The following MOB3B variants were observed in gnomAD, a reference collection of about 807,000 sequenced individuals.
MOB3B encodes the protein MOB kinase activator 3B, also known as MOB kinase activator-like 2B.
In MOB3B, 7 loss-of-function variants were observed where a neutral mutation model predicts 18.7. The ratio of observed to expected loss-of-function variants is 0.37; its 90% CI spans 0.21 to 0.70. The LOEUF is 0.70. MOB3B is among the 30% of genes least tolerant of loss of function. The pLI is 0.52. For missense variants in MOB3B, 253 were observed against 281.3 expected, an observed-to-expected ratio of 0.90 and a Z score of 0.72; for synonymous variants, 111 against 99.9, an observed-to-expected ratio of 1.11 and a Z score of -0.66.
Position 27,325,435 on chromosome 9 carries a change from T to C in MOB3B, c.*5152A>G, listed in dbSNP as rs1192343164. The C allele has an allele frequency of 6.6e-6, 1 of 152,218 alleles. No individual in the cohort carries two copies. The highest frequency in any genetic ancestry group is 1.5e-5 in the Non-Finnish European group (1 of 68,032). The allele number at this position is 152,218 out of a possible 1,614,324, so 9.4% of individuals were successfully genotyped here. A position where few individuals can be genotyped will look rare whatever the true frequency, so the allele number is the denominator to read the frequency against. The stretch of plus-strand genomic sequence containing the variant: ...CAGGAAAATTCTGAAATCAGATCAC[T>C]ATAAGCTAGTAAAACAGGCGAATTA... On this transcript the variant is annotated 3_prime_UTR_variant, in exon 4 of 4. Transcript: ENST00000262244.
chr9:27,442,117 G>A (rs141029087), intron 2 of MOB3B, among the ~76,000 whole-genome samples: 1 of 152,290 alleles, frequency 6.6e-6, no homozygotes, highest in African/African-American at 2.4e-5. Flanking sequence ...TTGTTAGCAT[G>A]TAATGGGCTT....
intron 2 of MOB3B, among the ~76,000 whole-genome samples, chr9:27,386,311 C>T (rs1718431649): frequency 6.6e-6 from 1 of 152,116 alleles, no homozygotes; most frequent in South Asian, 2.1e-4. Context: ...TGGTAAGTGT[C>T]CATTTCAGTA....
At chr9:27,360,619 C>A (rs1383662227) in intron 2 of MOB3B, among the ~76,000 whole-genome samples, 1 of 152,210 alleles carries the variant, frequency 6.6e-6, no homozygotes, top group Non-Finnish European at 1.5e-5. Flanking sequence ...GCACATGCCC[C>A]AAGTCCCCAG....
chr9:27,520,640 T>G (rs1820309983), intron 1 of MOB3B, among the ~76,000 whole-genome samples: 1 of 152,196 alleles, frequency 6.6e-6, no homozygotes, highest in Admixed American at 6.5e-5. Flanking sequence ...CAGTATTATT[T>G]TGTTTTAGTA....
intron 1 of MOB3B, among the ~76,000 whole-genome samples, chr9:27,514,786 C>CTGCA (rs1820205367): frequency 6.6e-6 from 1 of 152,098 alleles, no homozygotes; most frequent in Admixed American, 6.5e-5. Context: ...CCAACAACCT[C>CTGCA]TGCAGCATGT....
intron 3 of MOB3B, among the ~76,000 whole-genome samples, chr9:27,342,243 A>G (rs1400502524): frequency 6.6e-6 from 1 of 152,212 alleles, no homozygotes; most frequent in Non-Finnish European, 1.5e-5. Flanking sequence ...CCACATGGTT[A>G]TAAATGGATC....
chr9:27,374,209 C>A (rs1821460576), intron 2 of MOB3B, among the ~76,000 whole-genome samples: 1 of 115,180 alleles, frequency 8.7e-6, no homozygotes, highest in African/African-American at 3.5e-5. Flanking sequence ...ATTAATCTGT[C>A]TGAAGTATTT....
At chr9:27,450,213 T>C (rs944404) in intron 2 of MOB3B, among the ~76,000 whole-genome samples, 54,182 of 151,948 alleles carry the variant, frequency 0.36, 9,817 homozygotes, top group East Asian at 0.55. Context: ...GACTACTTAC[T>C]TTAGAAATAT....
chr9:27,520,818 G>A (rs1296639721), intron 1 of MOB3B, among the ~76,000 whole-genome samples: 2 of 152,196 alleles, frequency 1.3e-5, no homozygotes, highest in African/African-American at 4.8e-5. Flanking sequence ...AGGTCAGTGG[G>A]AGCTTGCATG....
intron 2 of MOB3B, among the ~76,000 whole-genome samples, chr9:27,448,309 T>C (rs745568201): frequency 6.6e-6 from 1 of 152,192 alleles, no homozygotes; most frequent in Non-Finnish European, 1.5e-5. Context: ...TTAAATGACA[T>C]AATGCAGGTG....
At chr9:27,459,107 T>C (rs1253787358) in intron 1 of MOB3B, among the ~76,000 whole-genome samples, 1 of 151,980 alleles carries the variant, frequency 6.6e-6, no homozygotes, top group Non-Finnish European at 1.5e-5. Context: ...CCCATCTGTG[T>C]CTTTTCCTGA....
intron 2 of MOB3B, among the ~76,000 whole-genome samples, chr9:27,407,511 C>T (rs560664311): frequency 1.3e-5 from 2 of 152,146 alleles, no homozygotes; most frequent in Admixed American, 6.5e-5. Flanking sequence ...AGAGCATGAA[C>T]CCCTGGGGCA....
At chr9:27,335,471 G>A (rs921048147) in intron 3 of MOB3B, among the ~76,000 whole-genome samples, 14 of 152,172 alleles carry the variant, frequency 9.2e-5, no homozygotes, top group Admixed American at 6.5e-4. Context: ...GAGCTGGCTT[G>A]ATGTGCTGCA....
chr9:27,470,171 G>C (rs1213839044), intron 1 of MOB3B, among the ~76,000 whole-genome samples: 1 of 150,338 alleles, frequency 6.7e-6, no homozygotes, highest in East Asian at 1.9e-4. Flanking sequence ...TTAGATCTAT[G>C]GAGAGATGTA....
chr9:27,365,195 G>A (rs1004704434), intron 2 of MOB3B, among the ~76,000 whole-genome samples: 4 of 110,774 alleles, frequency 3.6e-5, no homozygotes, highest in Non-Finnish European at 7.8e-5. Context: ...CAGCAGAAAG[G>A]ATAGCTTTTT....
At chr9:27,334,586 C>A (rs1016815229) in intron 3 of MOB3B, among the ~76,000 whole-genome samples, 1 of 152,124 alleles carries the variant, frequency 6.6e-6, no homozygotes, top group African/African-American at 2.4e-5. Flanking sequence ...GGAAGAAGTT[C>A]TTGATAGCCA....
At chr9:27,408,822 A>C (rs926667511) in intron 2 of MOB3B, among the ~76,000 whole-genome samples, 10 of 152,148 alleles carry the variant, frequency 6.6e-5, no homozygotes, top group African/African-American at 2.2e-4. Flanking sequence ...CCTTCCTGCT[A>C]CAAAGCTCTG....
At chr9:27,497,376 A>G (rs185893369) in intron 1 of MOB3B, among the ~76,000 whole-genome samples, 35 of 152,268 alleles carry the variant, frequency 2.3e-4, no homozygotes, top group Admixed American at 1.4e-3. Context: ...TATCCATACT[A>G]TAGAATTCTA....
At position 27,513,587 on chromosome 9, in the gene MOB3B, T is replaced by G. The variant is rs554297495; in HGVS notation, c.-199+15968A>C. On this transcript the variant is annotated intron_variant, in intron 1 of 3. Coordinates refer to ENST00000262244, the MANE Select transcript of MOB3B (RefSeq NM_024761.5). ...CCCAACTAATCTCCTTTGTATCCCT[T>G]AAATATCCCGAGCTCTTCCCATCAG... is the stretch of plus-strand genomic sequence containing the variant. 3.3e-5 allele frequency among the ~76,000 whole-genome samples: 5 copies of G among 152,220 alleles called. No homozygotes were observed. The East Asian group carries it at 9.6e-4, about 29-fold the overall frequency.
Sources: allele counts gnomAD v4.1 joint callset (sites outside exome capture counted in the v4.1 genomes callset), GRCh38; gene constraint gnomAD v4.1.1; transcripts MANE v1.5; gene names NCBI Gene and HGNC (gene_info 2026-07-23, HGNC 2026-07-21).